The following GRM5 variants were observed in gnomAD, a reference collection of about 807,000 sequenced individuals.
GRM5 encodes the protein metabotropic glutamate receptor 5.
GRM5 carries 19 observed loss-of-function variants against 83.1 expected under a neutral mutation model. The observed-to-expected ratio is 0.23, with a 90% CI of 0.16 to 0.34. The LOEUF (loss-of-function observed/expected upper bound fraction) is 0.34, where lower values mean the gene tolerates loss of function less well. GRM5 is among the 10% of genes least tolerant of loss of function. GRM5 has a pLI of 1.00. For missense variants in GRM5, 1,160 were observed against 1,588.3 expected, an observed-to-expected ratio of 0.73 and a Z score of 4.58; for synonymous variants, 675 against 633.6, an observed-to-expected ratio of 1.07 and a Z score of -0.98.
intron 3 of GRM5, among the ~76,000 whole-genome samples, chr11:88,745,058 G>T (rs12799111): frequency 1.3e-5 from 2 of 151,810 alleles, no homozygotes; most frequent in African/African-American, 4.8e-5. Flanking sequence ...TAAATATACC[G>T]TAGAATTGTT....
chr11:89,030,884 C>G (rs1344830599), intron 2 of GRM5, among the ~76,000 whole-genome samples: 2 of 151,834 alleles, frequency 1.3e-5, no homozygotes, highest in East Asian at 3.9e-4. Context: ...GGAAGTAAAA[C>G]TAAACATGAT....
In GRM5 at chr11:88,509,380, G is replaced by C. The variant is rs1941298453; in HGVS notation, c.2851C>G (p.Pro951Ala). 1 of 1,612,584 alleles carries C rather than the reference G, an allele frequency of 6.2e-7. No individual in the cohort carries two copies. The highest frequency in any genetic ancestry group is 8.5e-7 in the Non-Finnish European group (1 of 1,179,888). Residue 951 changes from proline to alanine, a missense_variant, in exon 10 of 10, where the codon CCC (proline) becomes GCC (alanine). Pro to Ala is a conservative substitution (Grantham distance 27). This residue lies in a region of GRM5 where 562 missense variants were observed against 532.4 expected (regional missense o/e 1.06). Transcript: ENST00000305447. ...ENPNQTAVIKPFPKSTESRGL... is the reference protein window; with the variant it reads ...ENPNQTAVIKAFPKSTESRGL... Reference sequence around the variant, plus strand: ...CGGCTCTCCGTGCTCTTGGGGAAGGGCTTGATGACGGCCGTTTGGTTGGGG... The same window carrying C: ...CGGCTCTCCGTGCTCTTGGGGAAGGCCTTGATGACGGCCGTTTGGTTGGGG...
chr11:89,040,439 G>A (rs185087636), intron 2 of GRM5, among the ~76,000 whole-genome samples: 238 of 152,286 alleles, frequency 1.6e-3, no homozygotes, highest in African/African-American at 5.3e-3. Context: ...GTCGGTTGTC[G>A]TAGCTCACAC....
chr11:88,977,828 G>T (rs1370256594), intron 2 of GRM5, among the ~76,000 whole-genome samples: 1 of 152,226 alleles, frequency 6.6e-6, no homozygotes, highest in Non-Finnish European at 1.5e-5. Flanking sequence ...TATGACAATT[G>T]ACATGAATGT....
At chr11:88,939,580 C>A (rs996401468) in intron 2 of GRM5, among the ~76,000 whole-genome samples, 1 of 151,760 alleles carries the variant, frequency 6.6e-6, no homozygotes, top group Non-Finnish European at 1.5e-5. Flanking sequence ...ACTCCATGTA[C>A]AGCATTATCC....
At position 88,947,519 on chromosome 11, in the gene GRM5, G is replaced by A. The variant is rs115889819; in HGVS notation, c.662-97364C>T. On this transcript the variant is annotated intron_variant, in intron 2 of 9. Transcript: ENST00000305447. ...TAAAACGTGTTCTTTTTACCATTGC[G>A]TCCTTGCATTGTTAGTTTTTTTTTT... Among the ~76,000 whole-genome samples, 1,027 of 151,210 alleles carry A rather than the reference G, an allele frequency of 6.8e-3. 8 individuals are homozygous for A. The highest frequency in any genetic ancestry group is 0.024 in the African/African-American group (988 of 41,182).
intron 3 of GRM5, among the ~76,000 whole-genome samples, chr11:88,745,519 T>C (rs1156254523): frequency 6.6e-6 from 1 of 152,148 alleles, no homozygotes; most frequent in African/African-American, 2.4e-5. Context: ...TACTCTTTAC[T>C]CTTCACTATA....
At chr11:88,643,004 G>C (rs1939337033) in intron 4 of GRM5, among the ~76,000 whole-genome samples, 2 of 151,846 alleles carry the variant, frequency 1.3e-5, no homozygotes, top group East Asian at 1.9e-4. Flanking sequence ...TATCTTTATA[G>C]CAATGTCCCA....
rs181714913 is a variant in GRM5 at position 88,635,979 on chromosome 11, C to A, written c.1147+17189G>T. Among the ~76,000 whole-genome samples, 45 of 152,264 alleles carry A rather than the reference C, an allele frequency of 3.0e-4. No homozygotes were observed. The East Asian group carries it at 7.1e-3, about 24-fold the overall frequency. ...ACTGCTATTATATAGAAATACAATT[C>A]ATTTTTCTATAATTCATATCTTCTA... On this transcript the variant is annotated intron_variant, in intron 4 of 9. Transcript: ENST00000305447.
chr11:88,924,406 A>C (rs1945751103), intron 2 of GRM5, among the ~76,000 whole-genome samples: 1 of 152,122 alleles, frequency 6.6e-6, no homozygotes, highest in South Asian at 2.1e-4. Context: ...AAACAACTCA[A>C]GTGTCCATCA....
At chr11:88,875,068 C>T (rs1295797605) in intron 2 of GRM5, among the ~76,000 whole-genome samples, 2 of 125,526 alleles carry the variant, frequency 1.6e-5, no homozygotes, top group African/African-American at 3.1e-5. Context: ...TGAAGTCTGC[C>T]ACATGAATTG....
At chr11:88,824,555 C>G (rs1434133709) in intron 3 of GRM5, among the ~76,000 whole-genome samples, 2 of 152,142 alleles carry the variant, frequency 1.3e-5, no homozygotes, top group African/African-American at 2.4e-5. Flanking sequence ...ACTGTTCCAC[C>G]TCAGATTATT....
intron 4 of GRM5, among the ~76,000 whole-genome samples, chr11:88,638,197 C>A (rs1939192146): frequency 6.7e-6 from 1 of 149,566 alleles, no homozygotes; most frequent in African/African-American, 2.5e-5. Context: ...GGAGATATAC[C>A]TAATGCTAGA....
chr11:88,936,816 GT>G, intron 2 of GRM5, among the ~76,000 whole-genome samples: 1 of 151,836 alleles, frequency 6.6e-6, no homozygotes, highest in South Asian at 2.1e-4. Flanking sequence ...AGTTAGTTTT[GT>G]TTGGACCAAT....
intron 2 of GRM5, among the ~76,000 whole-genome samples, chr11:88,987,096 A>G (rs549701): frequency 0.083 from 12,614 of 151,596 alleles, 1,674 homozygotes; most frequent in African/African-American, 0.28. Flanking sequence ...CATCTGAGGT[A>G]CCGGGTTCAT....
rs533752873 is a variant in GRM5, at chr11:89,010,654, T to G, written c.661+36558A>C. Among the ~76,000 whole-genome samples, 15 of 151,822 alleles carry G rather than the reference T, an allele frequency of 9.9e-5. No individual in the cohort carries two copies. In the East Asian group the frequency reaches 2.3e-3, roughly 23 times the overall value. The stretch of plus-strand genomic sequence containing the variant: ...ATGTTATTCTTAAAGGGAGTTATAA[T>G]TGTTAAAAGTTTAAAAATTATTGAT... On this transcript the variant is annotated intron_variant, in intron 2 of 9. Transcript: ENST00000305447.
At position 88,593,778 on chromosome 11, in the gene GRM5, C is replaced by G. The variant is rs2933182; in HGVS notation, c.1564-3051G>C. ...CCTCCCTCCTTCTCTCTCTCTCTCT[C>G]TCTCTCTTTCTCTCTTTTTCTCTTT... On this transcript the variant is annotated intron_variant, in intron 6 of 9. Coordinates refer to ENST00000305447, the MANE Select transcript of GRM5 (RefSeq NM_001143831.3). Among the ~76,000 whole-genome samples the G allele has an allele frequency of 2.0e-4, 19 of 95,432 alleles. No homozygotes were observed. The South Asian group carries it at 4.1e-3, about 21-fold the overall frequency. 62.6% of individuals were successfully genotyped at this position (95,432 alleles called of 152,430 possible).
chr11:88,653,259 G>A lies in GRM5; in HGVS notation c.1056C>T (p.Asn352=). 6.2e-7 allele frequency: 1 copy of A among 1,613,204 alleles called. No individual in the cohort carries two copies. The highest frequency in any genetic ancestry group is 8.5e-7 in the Non-Finnish European group (1 of 1,179,476). The change falls in exon 4 of 10, where the codon AAC becomes AAT. Residue 352 remains asparagine (N), a synonymous_variant. Coordinates refer to ENST00000305447, the MANE Select transcript of GRM5 (RefSeq NM_001143831.3). ...LKLRPETNHR[N]PWFQEFWQHR... is the part of the protein sequence containing the mutation. Reference sequence around the variant, plus strand: ...GCTGCCAAAATTCTTGAAACCAAGGGTTTCGGTGGTTTGTTTCTGGCCGGA... The same window carrying A: ...GCTGCCAAAATTCTTGAAACCAAGGATTTCGGTGGTTTGTTTCTGGCCGGA...
chr11:88,606,849 A>G (rs1172526174), intron 4 of GRM5, among the ~76,000 whole-genome samples: 1 of 151,304 alleles, frequency 6.6e-6, no homozygotes, highest in Non-Finnish European at 1.5e-5. Flanking sequence ...ACATATAGGA[A>G]GAGTGTGGTT....
Sources: gnomAD v4.1 joint callset for allele counts (sites outside exome capture counted in the v4.1 genomes callset) on GRCh38, gnomAD v4.1.1 for gene constraint, gnomAD v4.1.1 regional missense constraint, MANE v1.5 for transcripts, NCBI Gene and HGNC (gene_info 2026-07-23, HGNC 2026-07-21) for gene names.